Variants in AGXT2 observed in about 807,000 individuals in gnomAD.
AGXT2 encodes the protein alanine--glyoxylate aminotransferase 2, mitochondrial.
AGXT2 carries 61 observed loss-of-function variants against 62.5 expected under a neutral mutation model. The ratio of observed to expected loss-of-function variants is 0.98; its 90% CI spans 0.79 to 1.21. The LOEUF (loss-of-function observed/expected upper bound fraction) is 1.21, where lower values mean the gene tolerates loss of function less well. Ranked by LOEUF, AGXT2 falls within the 50% of genes most tolerant of loss-of-function variation. The pLI is 0.00. For synonymous variants in AGXT2, 243 were observed against 218.7 expected (o/e 1.11, Z -0.98); for missense variants, 666 against 641.5 (o/e 1.04, Z -0.41).
At chr5:35,012,541 C>T (rs748286608) in intron 11 of AGXT2, 83 of 250,402 alleles carry the variant, frequency 3.3e-4, no homozygotes, top group East Asian at 5.8e-4. Context: ...GCTGTAAGCA[C>T]GTAGAACTCA....
intron 4 of AGXT2, among the ~76,000 whole-genome samples, chr5:35,035,732 A>G (rs1767738684): frequency 1.3e-5 from 2 of 152,058 alleles, no homozygotes. Flanking sequence ...TGACTCTGCA[A>G]CTCCAGGGGT....
chr5:35,040,357 T>A (rs1662754947), intron 2 of AGXT2, among the ~76,000 whole-genome samples: 1 of 152,226 alleles, frequency 6.6e-6, no homozygotes, highest in Non-Finnish European at 1.5e-5. Context: ...TGCCTCTGTC[T>A]GTGTCTCTAT....
intron 3 of AGXT2, 46 bp downstream of exon 3, chr5:35,039,278 A>G: frequency 6.3e-7 from 1 of 1,588,412 alleles, no homozygotes. Flanking sequence ...ATTGTTTTCC[A>G]TGCATTCTTT....
rs1206402659 is a variant in AGXT2 at position 35,025,747 on chromosome 5, C to T, written c.963+16G>A. The T allele has an allele frequency of 6.2e-7, 1 of 1,613,148 alleles. No individual in the cohort carries two copies. Among genetic ancestry groups the T allele is most frequent in the Non-Finnish European group, 8.5e-7 (1 of 1,179,164 alleles). ...TGTTCCCACTGCACTCAATGGCACC[C>T]TTACATGCCACTTACTTCATCTGCA... On this transcript the variant is annotated intron_variant, in intron 9 of 13. Coordinates refer to ENST00000231420, the MANE Select transcript of AGXT2 (RefSeq NM_031900.4).
chr5:35,029,192 C>A (rs538029375), intron 7 of AGXT2, among the ~76,000 whole-genome samples: 2 of 152,290 alleles, frequency 1.3e-5, no homozygotes, highest in South Asian at 4.1e-4. Flanking sequence ...ACAAATAAAT[C>A]TATGCCTCTA....
At chr5:35,001,926 C>G (rs573647636) in intron 13 of AGXT2, among the ~76,000 whole-genome samples, 1 of 152,128 alleles carries the variant, frequency 6.6e-6, no homozygotes, top group Non-Finnish European at 1.5e-5. Flanking sequence ...GAAGGAAGGA[C>G]CAGATCTTAT....
intron 5 of AGXT2, 27 bp downstream of exon 5, chr5:35,035,195 A>G: frequency 6.3e-7 from 1 of 1,593,612 alleles, no homozygotes; most frequent in South Asian, 1.1e-5. Flanking sequence ...AGTGTTCCTA[A>G]AGTTGAATAT....
At chr5:35,015,380 T>A (rs163904) in intron 9 of AGXT2, among the ~76,000 whole-genome samples, 119,277 of 151,948 alleles carry the variant, frequency 0.78, 47,580 homozygotes, top group African/African-American at 0.84. Context: ...CCATACAAAC[T>A]TCTCCACGCA....
chr5:35,046,648 A>C (rs987079792), intron 1 of AGXT2, among the ~76,000 whole-genome samples: 13 of 152,248 alleles, frequency 8.5e-5, no homozygotes, highest in Admixed American at 2.0e-4. Context: ...AGCATCATGC[A>C]TGTGTCAAGT....
chr5:35,017,576 C>A (rs565234829), intron 9 of AGXT2, among the ~76,000 whole-genome samples: 1 of 152,314 alleles, frequency 6.6e-6, no homozygotes, highest in African/African-American at 2.4e-5. Context: ...CTTCTGCATT[C>A]CGCCATGATT....
At position 35,047,663 on chromosome 5, in the gene AGXT2, A is replaced by G; in HGVS notation, c.88+142T>C. 4 of 1,050,296 alleles carry G rather than the reference A, an allele frequency of 3.8e-6. No individual in the cohort carries two copies. The South Asian group carries it at 6.9e-5, about 18-fold the overall frequency. 65.1% of individuals were successfully genotyped at this position (1,050,296 alleles called of 1,614,324 possible). ...AATGGGGCATTGACTCAGGGTGAGAACCTGTGTGTCAAAAACATGCCTCAT... is the reference window on the plus strand; with the variant it reads ...AATGGGGCATTGACTCAGGGTGAGAGCCTGTGTGTCAAAAACATGCCTCAT... On this transcript the variant is annotated intron_variant, in intron 1 of 13. Coordinates refer to ENST00000231420, the MANE Select transcript of AGXT2 (RefSeq NM_031900.4).
chr5:35,012,776 G>A, intron 11 of AGXT2, 178 bp downstream of exon 11: 1 of 668,210 alleles, frequency 1.5e-6, no homozygotes. Flanking sequence ...AGCACCCAAA[G>A]TAGGTCTTTA....
intron 5 of AGXT2, 89 bp downstream of exon 5, chr5:35,035,133 C>G: frequency 8.7e-7 from 1 of 1,150,306 alleles, no homozygotes; most frequent in South Asian, 1.2e-5. Flanking sequence ...GAAAACCTCT[C>G]TCCCACTCCA....
chr5:35,020,808 G>A (rs1041789509), intron 9 of AGXT2, among the ~76,000 whole-genome samples: 1 of 152,126 alleles, frequency 6.6e-6, no homozygotes, highest in African/African-American at 2.4e-5. Context: ...CGACATGATT[G>A]TATATCTAGA....
At chr5:35,041,409 C>T (rs1304058390) in intron 1 of AGXT2, among the ~76,000 whole-genome samples, 1 of 151,918 alleles carries the variant, frequency 6.6e-6, no homozygotes, top group African/African-American at 2.4e-5. Flanking sequence ...TTAAGGTTAT[C>T]AAGCTAGTTA....
intron 9 of AGXT2, among the ~76,000 whole-genome samples, chr5:35,017,214 G>GGTGGCT (rs1561218635): frequency 2.0e-5 from 3 of 152,140 alleles, no homozygotes; most frequent in Non-Finnish European, 1.5e-5. Flanking sequence ...AGCTTGATAC[G>GGTGGCT]GTGGCTAGTC....
intron 12 of AGXT2, among the ~76,000 whole-genome samples, chr5:35,006,482 G>A (rs759438886): frequency 1.4e-4 from 21 of 152,248 alleles, no homozygotes; most frequent in African/African-American, 2.9e-4. Context: ...CAGATGGGTC[G>A]TGTGGGGAGA....
At chr5:35,019,685 A>G (rs1378510865) in intron 9 of AGXT2, among the ~76,000 whole-genome samples, 8 of 152,224 alleles carry the variant, frequency 5.3e-5, no homozygotes, top group Non-Finnish European at 1.0e-4. Flanking sequence ...AAGAGAAAAC[A>G]CATTCAAAAG....
intron 9 of AGXT2, among the ~76,000 whole-genome samples, chr5:35,018,962 C>A (rs1766958406): frequency 7.8e-6 from 1 of 127,676 alleles, no homozygotes; most frequent in Non-Finnish European, 1.6e-5. Flanking sequence ...CAACAAAGAT[C>A]AAAAGAGACA....
Sources: allele counts gnomAD v4.1 joint callset (sites outside exome capture counted in the v4.1 genomes callset), GRCh38; gene constraint gnomAD v4.1.1; transcripts MANE v1.5; gene names NCBI Gene and HGNC (gene_info 2026-07-23, HGNC 2026-07-21).